Variants in RUNX1T1 observed in about 807,000 individuals in gnomAD.
The protein encoded by RUNX1T1 is RUNX1 partner transcriptional co-repressor 1.
RUNX1T1 carries 4 observed loss-of-function variants against 62.8 expected under a neutral mutation model. The ratio of observed to expected loss-of-function variants is 0.06; its 90% CI spans 0.03 to 0.15. RUNX1T1 has a LOEUF of 0.15. Among genes scored for constraint, RUNX1T1 ranks in the 10% least tolerant of loss-of-function variants. The pLI, the probability that RUNX1T1 is intolerant of heterozygous loss-of-function variation, is 1.00. For missense variants in RUNX1T1, 508 were observed against 754.3 expected (o/e 0.67, Z 3.82); for synonymous variants, 291 against 286.0 (o/e 1.02, Z -0.18).
At chr8:92,014,499 G>T in intron 3 of RUNX1T1, 80 bp downstream of exon 4, 1 of 1,268,504 alleles carries the variant, frequency 7.9e-7, no homozygotes, top group Non-Finnish European at 1.1e-6. Context: ...ATACTTGCGA[G>T]AACGGTGTCT....
At chr8:92,006,200 G>A (rs1011560632) in intron 4 of RUNX1T1, 64 of 151,900 alleles carry the variant, frequency 4.2e-4, no homozygotes, top group African/African-American at 1.5e-3. Context: ...AACCTAAGAA[G>A]GCATTTTACT....
chr8:91,967,023 C>A (rs913195715), intron 10 of RUNX1T1, among the ~76,000 whole-genome samples: 2 of 152,200 alleles, frequency 1.3e-5, no homozygotes, highest in African/African-American at 4.8e-5. Flanking sequence ...CCAGCTCACA[C>A]TTACTGACCA....
intron 1 of RUNX1T1, among the ~76,000 whole-genome samples, chr8:92,035,111 G>A (rs974929993): frequency 1.3e-5 from 2 of 151,806 alleles, no homozygotes; most frequent in African/African-American, 4.8e-5. Flanking sequence ...CCTGGCCAAC[G>A]TGGTGAAACG....
At chr8:92,000,046 C>T (rs2005076) in intron 5 of RUNX1T1, among the ~76,000 whole-genome samples, 31,293 of 152,052 alleles carry the variant, frequency 0.21, 3,293 homozygotes, top group Middle Eastern at 0.26. Context: ...TGGCTCATGC[C>T]TGTAATCCCA....
In RUNX1T1 at chr8:91,970,651, GC is replaced by G; in HGVS notation, c.1458+6del. 6.3e-7 allele frequency: 1 copy of G among 1,590,470 alleles called. No homozygotes were observed. Among genetic ancestry groups the G allele is most frequent in the South Asian group, 1.1e-5 (1 of 87,618 alleles). Reference sequence around the variant, plus strand: ...TTGTTTATTTGGAGCTTCCCAAGATGCCTCACCTCGCTTGAATCCTCCTGCT... The same window carrying G: ...TTGTTTATTTGGAGCTTCCCAAGATGCTCACCTCGCTTGAATCCTCCTGCT... On this transcript the variant is annotated splice_donor_region_variant and intron_variant, in intron 10 of 10. Transcript: ENST00000396218.
At chr8:91,979,618 G>A (rs1814753946) in intron 8 of RUNX1T1, among the ~76,000 whole-genome samples, 1 of 151,574 alleles carries the variant, frequency 6.6e-6, no homozygotes, top group Non-Finnish European at 1.5e-5. Flanking sequence ...GGGGGTGGTG[G>A]TGAGAGTGGA....
At chr8:92,075,755 T>G (rs1834323791) in intron 2 of RUNX1T1, among the ~76,000 whole-genome samples, 1 of 151,982 alleles carries the variant, frequency 6.6e-6, no homozygotes, top group Non-Finnish European at 1.5e-5. Flanking sequence ...CCCAAAACTA[T>G]CAAACAGGGT....
chr8:92,081,356 A>G (rs751695796), intron 1 of RUNX1T1: 2 of 446,700 alleles, frequency 4.5e-6, no homozygotes, highest in Non-Finnish European at 3.0e-6. Context: ...AGCAAAGGTC[A>G]CTACTCAAAA....
intron 1 of RUNX1T1, among the ~76,000 whole-genome samples, chr8:92,091,976 T>C (rs1444364939): frequency 6.6e-6 from 1 of 152,214 alleles, no homozygotes; most frequent in Non-Finnish European, 1.5e-5. Context: ...AGTTTATCTG[T>C]GAAGAGTGTG....
At chr8:91,956,011 CAGAT>C (rs973087893), downstream of RUNX1T1, 10 of 230,242 alleles carry the variant, frequency 4.3e-5, no homozygotes, top group Non-Finnish European at 6.9e-5. Flanking sequence ...GGGGACAAGG[CAGAT>C]AGAGCAGTTC....
chr8:91,976,120 T>G, intron 8 of RUNX1T1, 147 bp from the exon 10 acceptor site: 1 of 585,660 alleles, frequency 1.7e-6, no homozygotes, highest in Non-Finnish European at 3.1e-6. Context: ...TTTCACTTCT[T>G]GAAAACACAT....
intron 2 of RUNX1T1, among the ~76,000 whole-genome samples, chr8:92,073,304 G>T (rs1833949846): frequency 6.6e-6 from 1 of 152,114 alleles, no homozygotes; most frequent in Non-Finnish European, 1.5e-5. Flanking sequence ...AAACACAACA[G>T]CGTTCTCATT....
exon 1 of RUNX1T1, chr8:92,062,691 G>T: frequency 6.2e-7 from 1 of 1,611,688 alleles, no homozygotes; most frequent in Admixed American, 1.7e-5. Context: ...GCCGGAGGCA[G>T]GGTGCTGGGC....
At chr8:91,961,181 G>GT (rs1191825947) in intron 10 of RUNX1T1, among the ~76,000 whole-genome samples, 3 of 152,322 alleles carry the variant, frequency 2.0e-5, no homozygotes, top group Non-Finnish European at 4.4e-5. Context: ...TCCTCAGTTT[G>GT]TTTTTTCTCC....
chr8:92,008,338 T>C (rs1821228407), intron 4 of RUNX1T1, among the ~76,000 whole-genome samples: 1 of 151,398 alleles, frequency 6.6e-6, no homozygotes. Context: ...ACATTCTTCT[T>C]ATCAAAAAGA....
At chr8:92,054,687 C>A (rs1037262768) in intron 1 of RUNX1T1, among the ~76,000 whole-genome samples, 2 of 152,142 alleles carry the variant, frequency 1.3e-5, no homozygotes, top group South Asian at 4.1e-4. Flanking sequence ...AAACCCAAGT[C>A]ACAAAGCTAA....
At chr8:92,021,342 A>G (rs796705364) in intron 1 of RUNX1T1, among the ~76,000 whole-genome samples, 6 of 152,268 alleles carry the variant, frequency 3.9e-5, no homozygotes, top group Admixed American at 2.6e-4. Flanking sequence ...AGTGACTCCA[A>G]TGTCTGGGTG....
At chr8:92,058,105 C>T (rs902387430) in intron 1 of RUNX1T1, among the ~76,000 whole-genome samples, 1 of 152,186 alleles carries the variant, frequency 6.6e-6, no homozygotes, top group Non-Finnish European at 1.5e-5. Flanking sequence ...CCTCTGGGCT[C>T]CTGCATGATC....
In RUNX1T1 at chr8:92,060,537, ATATATATATATATATATG is replaced by A. The variant is rs1301021960; in HGVS notation, c.7+1991_7+2008del. Among the ~76,000 whole-genome samples the A allele has an allele frequency of 1.0e-4, 12 of 120,218 alleles. No homozygotes were observed. The East Asian group carries it at 2.3e-3, about 23-fold the overall frequency. The allele number at this position is 120,218 out of a possible 152,430, so 78.9% of individuals were successfully genotyped here. On this transcript the variant is annotated intron_variant, in intron 1 of 10. Coordinates refer to ENST00000396218, the Ensembl canonical transcript of RUNX1T1. ...TCAACTACCAAATATATATATATATATATATATATATATATATGTGTGTGTGTGTGTGTGTGTGTGTGT... is the reference window on the plus strand; with the variant it reads ...TCAACTACCAAATATATATATATATATGTGTGTGTGTGTGTGTGTGTGTGT...
Sources: allele counts gnomAD v4.1 joint callset (sites outside exome capture counted in the v4.1 genomes callset), GRCh38; gene constraint gnomAD v4.1.1; transcripts MANE v1.5; gene names NCBI Gene and HGNC (gene_info 2026-07-23, HGNC 2026-07-21).